ITGA1: variants seen among roughly 807,000 people sequenced by gnomAD.
ITGA1 encodes integrin subunit alpha 1.
ITGA1 carries 85 observed loss-of-function variants against 145.9 expected under a neutral mutation model. That is an observed-to-expected ratio of 0.58 (90% confidence interval 0.49 to 0.70). ITGA1 has a LOEUF of 0.70. Ranked by LOEUF, ITGA1 falls within the 30% of genes least tolerant of loss-of-function variation. The probability of loss-of-function intolerance (pLI) is 0.00; values close to 1 mark genes in which losing one functional copy is unlikely to be tolerated. For synonymous variants in ITGA1, 520 were observed against 495.3 expected (o/e 1.05, Z -0.66); for missense variants, 1,351 against 1,418.7 (o/e 0.95, Z 0.77).
At chr5:52,862,630 A>G (rs1749624780) in intron 3 of ITGA1, among the ~76,000 whole-genome samples, 1 of 152,192 alleles carries the variant, frequency 6.6e-6, no homozygotes, top group Non-Finnish European at 1.5e-5. Context: ...TTTCAAGAGG[A>G]AATAGAATCA....
rs374341373 is a variant in ITGA1, at chr5:52,939,566, T to C, written c.3079-24T>C. 1.1e-4 allele frequency: 161 copies of C among 1,462,766 alleles called. No homozygotes were observed. The Middle Eastern group carries it at 2.1e-3, about 19-fold the overall frequency. The allele number at this position is 1,462,766 out of a possible 1,614,324, so 90.6% of individuals were successfully genotyped here. A position where few individuals can be genotyped will look rare whatever the true frequency, so the allele number is the denominator to read the frequency against. ...TCCTCTGATATCTGGCATTGTCTGA[T>C]AAATGTAATATTTTCATTTCTAGAA... On this transcript the variant is annotated intron_variant, in intron 24 of 28. Transcript: ENST00000282588.
At chr5:52,914,743 G>A (rs1447240874) in intron 14 of ITGA1, among the ~76,000 whole-genome samples, 1 of 152,204 alleles carries the variant, frequency 6.6e-6, no homozygotes, top group Non-Finnish European at 1.5e-5. Context: ...GAAGTTTAGG[G>A]AGGGTTTGTA....
intron 8 of ITGA1, 139 bp from the exon 9 acceptor site, chr5:52,893,536 C>T: frequency 3.0e-6 from 2 of 662,826 alleles, no homozygotes; most frequent in Non-Finnish European, 4.7e-6. Flanking sequence ...GAAAATCACT[C>T]TTCCATAAAT....
At chr5:52,861,402 G>A (rs767349060) in intron 2 of ITGA1, 45 bp from the exon 3 acceptor site, 1 of 1,166,466 alleles carries the variant, frequency 8.6e-7, no homozygotes, top group Non-Finnish European at 1.3e-6. Context: ...CATATAAACT[G>A]TTTCTCAATG....
At chr5:52,877,476 G>T (rs577586378) in intron 6 of ITGA1, among the ~76,000 whole-genome samples, 2 of 152,258 alleles carry the variant, frequency 1.3e-5, no homozygotes, top group South Asian at 2.1e-4. Context: ...GCCCACCAGG[G>T]TGCCATGTTA....
chr5:52,856,132 T>G lies in ITGA1; in HGVS notation c.183-5315T>G, dbSNP rs115216275. Among the ~76,000 whole-genome samples, 1,026 of 152,274 alleles carry G rather than the reference T, an allele frequency of 6.7e-3. 14 individuals carry two copies. Among genetic ancestry groups the G allele is most frequent in the African/African-American group, 0.024 (979 of 41,558 alleles). On this transcript the variant is annotated intron_variant, in intron 2 of 28. Transcript: ENST00000282588. ...CCAGACCTTTTCCTCCAGAGCCAAA[T>G]GCTTGCCAAATCTCAAGCTCTCTGT...
chr5:52,882,691 C>T lies in ITGA1; in HGVS notation c.773+670C>T, dbSNP rs538347755. On this transcript the variant is annotated intron_variant, in intron 7 of 28. Transcript: ENST00000282588. Reference sequence around the variant, plus strand: ...TTGAATTTCATTTTATAAGAACGAACAGAATTGTCCTCTCTTACAAATGTA... The same window carrying T: ...TTGAATTTCATTTTATAAGAACGAATAGAATTGTCCTCTCTTACAAATGTA... 4.6e-5 allele frequency among the ~76,000 whole-genome samples: 7 copies of T among 152,258 alleles called. 1 individual carries two copies. Among genetic ancestry groups the T allele is most frequent in the Middle Eastern group, 3.4e-3 (1 of 294 alleles).
intron 28 of ITGA1, among the ~76,000 whole-genome samples, chr5:52,950,265 C>A (rs1751198804): frequency 6.6e-6 from 1 of 152,096 alleles, no homozygotes; most frequent in Non-Finnish European, 1.5e-5. Context: ...CATAATGATG[C>A]CTGAAGTTCC....
chr5:52,834,090 G>C (rs551302730), intron 1 of ITGA1, among the ~76,000 whole-genome samples: 1 of 152,292 alleles, frequency 6.6e-6, no homozygotes, highest in South Asian at 2.1e-4. Context: ...TCCATGTGAA[G>C]GCAGTTCATT....
chr5:52,843,136 G>A (rs1749282856), intron 1 of ITGA1, among the ~76,000 whole-genome samples: 2 of 152,042 alleles, frequency 1.3e-5, no homozygotes, highest in Non-Finnish European at 2.9e-5. Flanking sequence ...TGTATCTCCA[G>A]GGATCACTAT....
intron 1 of ITGA1, among the ~76,000 whole-genome samples, chr5:52,828,991 A>T (rs933057458): frequency 1.3e-5 from 2 of 152,074 alleles, no homozygotes; most frequent in African/African-American, 4.8e-5. Context: ...CCTTTCTCTT[A>T]TAAGATTACC....
Position 52,935,942 on chromosome 5 carries a change from C to T in ITGA1, c.2965-1459C>T, listed in dbSNP as rs573664838. On this transcript the variant is annotated intron_variant, in intron 23 of 28. Transcript: ENST00000282588. ...TTTAATCAGAAAAAAATGGTAATTA[C>T]AGAACACAGGATTTCTTTTTTTTTT... Among the ~76,000 whole-genome samples the T allele has an allele frequency of 6.2e-5, 9 of 144,506 alleles. No individual in the cohort carries two copies. The South Asian group carries it at 1.7e-3, about 27-fold the overall frequency. The allele number at this position is 144,506 out of a possible 152,430, so 94.8% of individuals were successfully genotyped here.
intron 26 of ITGA1, among the ~76,000 whole-genome samples, chr5:52,943,840 A>G (rs2111906132): frequency 6.6e-6 from 1 of 152,204 alleles, no homozygotes; most frequent in Non-Finnish European, 1.5e-5. Context: ...CGGACATGCC[A>G]TCTCTGGGTC....
intron 1 of ITGA1, among the ~76,000 whole-genome samples, chr5:52,807,238 T>C (rs1217828312): frequency 6.6e-6 from 1 of 152,192 alleles, no homozygotes; most frequent in Non-Finnish European, 1.5e-5. Context: ...GGCAGTCATA[T>C]TGCCTGGCTT....
chr5:52,836,684 G>A (rs1205993053), intron 1 of ITGA1, among the ~76,000 whole-genome samples: 3 of 152,006 alleles, frequency 2.0e-5, no homozygotes, highest in Admixed American at 6.6e-5. Context: ...TGATCTCAAT[G>A]TGGCTGAAAG....
At chr5:52,884,154 A>G (rs1290233466) in intron 7 of ITGA1, among the ~76,000 whole-genome samples, 1 of 152,154 alleles carries the variant, frequency 6.6e-6, no homozygotes, top group Non-Finnish European at 1.5e-5. Flanking sequence ...TTAAAAAGTC[A>G]GAAAATCGGC....
intron 2 of ITGA1, among the ~76,000 whole-genome samples, chr5:52,858,837 T>C (rs1004753135): frequency 6.6e-6 from 1 of 152,158 alleles, no homozygotes; most frequent in Non-Finnish European, 1.5e-5. Flanking sequence ...ATAAGCCAAA[T>C]ACTGTTCTAA....
chr5:52,881,098 G>C (rs1749949750), intron 6 of ITGA1, among the ~76,000 whole-genome samples: 1 of 152,130 alleles, frequency 6.6e-6, no homozygotes, highest in Non-Finnish European at 1.5e-5. Context: ...AGTAGGAAAG[G>C]AAGACAAAAC....
intron 1 of ITGA1, among the ~76,000 whole-genome samples, chr5:52,814,882 C>T (rs764676934): frequency 2.6e-5 from 4 of 152,228 alleles, no homozygotes; most frequent in East Asian, 1.9e-4. Context: ...CACGAAAGTA[C>T]GGAAACTCAG....
Sources: allele counts gnomAD v4.1 joint callset (sites outside exome capture counted in the v4.1 genomes callset), GRCh38; gene constraint gnomAD v4.1.1; transcripts MANE v1.5; gene names NCBI Gene and HGNC (gene_info 2026-07-23, HGNC 2026-07-21).